The following FBXL17 variants were observed in gnomAD, a reference collection of about 807,000 sequenced individuals.
FBXL17 encodes F-box and leucine rich repeat protein 17, also known as F-box/LRR-repeat protein 17.
FBXL17 carries 22 observed loss-of-function variants against 66.2 expected under a neutral mutation model. That is an observed-to-expected ratio of 0.33 (90% CI 0.24 to 0.47). The LOEUF (loss-of-function observed/expected upper bound fraction) is 0.47. FBXL17 is among the 20% of genes least tolerant of loss of function. The probability of loss-of-function intolerance (pLI) is 1.00; values close to 1 mark genes in which losing one functional copy is unlikely to be tolerated. For synonymous variants in FBXL17, 474 were observed against 400.5 expected (o/e 1.18, Z -2.19); for missense variants, 878 against 948.2 (o/e 0.93, Z 0.97).
intron 6 of FBXL17, among the ~76,000 whole-genome samples, chr5:108,052,005 C>T (rs1393986020): frequency 6.7e-6 from 1 of 149,898 alleles, no homozygotes; most frequent in African/African-American, 2.5e-5. Context: ...CCCAGCTACT[C>T]AGCAGGCTGA....
At chr5:108,146,291 T>C (rs1371332039) in intron 6 of FBXL17, among the ~76,000 whole-genome samples, 1 of 151,988 alleles carries the variant, frequency 6.6e-6, no homozygotes, top group Non-Finnish European at 1.5e-5. Flanking sequence ...TATATTAATT[T>C]TCACCACTTT....
chr5:107,947,178 A>G (rs1016906940), intron 7 of FBXL17, among the ~76,000 whole-genome samples: 1 of 152,226 alleles, frequency 6.6e-6, no homozygotes, highest in Non-Finnish European at 1.5e-5. Context: ...CAGGTAAAGT[A>G]CAATGGCCTT....
intron 6 of FBXL17, among the ~76,000 whole-genome samples, chr5:108,177,924 T>C (rs1752854181): frequency 7.0e-6 from 1 of 142,948 alleles, no homozygotes; most frequent in Admixed American, 7.2e-5. Flanking sequence ...TATATATATA[T>C]ATATATATAC....
intron 6 of FBXL17, among the ~76,000 whole-genome samples, chr5:108,055,923 A>G (rs1395597243): frequency 2.0e-5 from 3 of 152,144 alleles, no homozygotes; most frequent in African/African-American, 7.2e-5. Flanking sequence ...TAATAATAAA[A>G]TAATAAAAAG....
At chr5:107,907,593 T>C (rs1384280947) in intron 7 of FBXL17, among the ~76,000 whole-genome samples, 3 of 151,822 alleles carry the variant, frequency 2.0e-5, no homozygotes, top group African/African-American at 4.8e-5. Flanking sequence ...CAAACAAATT[T>C]ACAAGAAAAA....
At chr5:107,880,511 G>A (rs1194079177) in intron 8 of FBXL17, 4 of 999,688 alleles carry the variant, frequency 4.0e-6, no homozygotes, top group South Asian at 8.9e-5. Flanking sequence ...TGTGCTGGGA[G>A]TGGCATCTGA....
intron 4 of FBXL17, among the ~76,000 whole-genome samples, chr5:108,307,719 G>A (rs377583034): frequency 6.6e-6 from 1 of 152,156 alleles, no homozygotes; most frequent in Admixed American, 6.6e-5. Flanking sequence ...TGAATGACAG[G>A]ATGTTCTTTT....
At chr5:108,214,342 T>C (rs914709359) in intron 5 of FBXL17, among the ~76,000 whole-genome samples, 3 of 151,412 alleles carry the variant, frequency 2.0e-5, no homozygotes, top group African/African-American at 7.3e-5. Flanking sequence ...AAGTGTAATT[T>C]ATTAATTAGT....
chr5:108,180,774 G>A (rs920056730), intron 6 of FBXL17, among the ~76,000 whole-genome samples: 3 of 151,912 alleles, frequency 2.0e-5, no homozygotes, highest in Non-Finnish European at 2.9e-5. Context: ...TTTAGCTACC[G>A]GATGTTAGAT....
chr5:108,224,446 T>C (rs1467950780), intron 4 of FBXL17, among the ~76,000 whole-genome samples: 1 of 152,042 alleles, frequency 6.6e-6, no homozygotes, highest in Non-Finnish European at 1.5e-5. Flanking sequence ...GTTTTTATAC[T>C]TCTTCAGACA....
chr5:108,075,489 G>C (rs567669048), intron 6 of FBXL17, among the ~76,000 whole-genome samples: 1 of 152,184 alleles, frequency 6.6e-6, no homozygotes, highest in African/African-American at 2.4e-5. Flanking sequence ...TGTTTGTTTT[G>C]TTTTGAGATG....
intron 4 of FBXL17, among the ~76,000 whole-genome samples, chr5:108,259,191 T>C (rs768601404): frequency 1.1e-4 from 16 of 152,162 alleles, no homozygotes; most frequent in Non-Finnish European, 1.9e-4. Flanking sequence ...AGAGATCTGA[T>C]ATAAGAGGAA....
intron 6 of FBXL17, among the ~76,000 whole-genome samples, chr5:108,155,419 G>A (rs372768224): frequency 6.6e-6 from 1 of 152,132 alleles, no homozygotes; most frequent in Non-Finnish European, 1.5e-5. Flanking sequence ...GGAGGCTGAG[G>A]CAGGAGAATC....
At chr5:108,016,907 G>A (rs184660045) in intron 7 of FBXL17, among the ~76,000 whole-genome samples, 48 of 151,928 alleles carry the variant, frequency 3.2e-4, no homozygotes, top group African/African-American at 1.1e-3. Flanking sequence ...AGCCTCTCGA[G>A]TAGCTGGGAT....
chr5:108,281,522 T>C (rs1231040308), intron 4 of FBXL17, among the ~76,000 whole-genome samples: 11 of 151,862 alleles, frequency 7.2e-5, no homozygotes, highest in Non-Finnish European at 1.0e-4. Flanking sequence ...ACCTGTGGGA[T>C]ACAGGAAAAG....
intron 7 of FBXL17, among the ~76,000 whole-genome samples, chr5:107,960,121 C>T (rs537962447): frequency 7.2e-5 from 11 of 152,218 alleles, no homozygotes; most frequent in African/African-American, 2.6e-4. Flanking sequence ...ATTTTTGCTC[C>T]TTTAGTTACC....
chr5:108,040,137 G>C (rs1561380733), intron 6 of FBXL17, among the ~76,000 whole-genome samples: 1 of 152,030 alleles, frequency 6.6e-6, no homozygotes, highest in Non-Finnish European at 1.5e-5. Flanking sequence ...AATGCTGTGG[G>C]CATTTTTGCT....
At chr5:107,912,159 T>C (rs924664512) in intron 7 of FBXL17, among the ~76,000 whole-genome samples, 1 of 152,120 alleles carries the variant, frequency 6.6e-6, no homozygotes, top group African/African-American at 2.4e-5. Context: ...ACATTTACAA[T>C]ACTAACAACT....
chr5:108,256,695 TTA>T (rs1756591404), intron 4 of FBXL17, among the ~76,000 whole-genome samples: 1 of 152,238 alleles, frequency 6.6e-6, no homozygotes, highest in Admixed American at 6.5e-5. Flanking sequence ...TTGTATAATT[TTA>T]GTTAGATTCA....
Sources: allele counts gnomAD v4.1 joint callset (sites outside exome capture counted in the v4.1 genomes callset), GRCh38; gene constraint gnomAD v4.1.1; transcripts MANE v1.5; gene names NCBI Gene and HGNC (gene_info 2026-07-23, HGNC 2026-07-21).